The following LINGO2 variants were observed in gnomAD, a reference collection of about 807,000 sequenced individuals.
The protein encoded by LINGO2 is leucine rich repeat and Ig domain containing 2, also known as leucine-rich repeat and immunoglobulin-like domain-containing nogo receptor-interacting protein 2.
LINGO2 carries 14 observed loss-of-function variants against 30.6 expected under a neutral mutation model. That is an observed-to-expected ratio of 0.46 (90% CI 0.30 to 0.72). The LOEUF (loss-of-function observed/expected upper bound fraction) is 0.72. Ranked by LOEUF, LINGO2 falls within the 30% of genes least tolerant of loss-of-function variation. The probability of loss-of-function intolerance (pLI) is 0.07; values close to 1 mark genes in which losing one functional copy is unlikely to be tolerated. For synonymous variants in LINGO2, 317 were observed against 288.5 expected, an observed-to-expected ratio of 1.10 and a Z score of -1.00; for missense variants, 729 against 751.7, an observed-to-expected ratio of 0.97 and a Z score of 0.35.
At chr9:28,396,653 G>A (rs1035425550) in intron 2 of LINGO2, among the ~76,000 whole-genome samples, 4 of 130,222 alleles carry the variant, frequency 3.1e-5, no homozygotes, top group Admixed American at 9.6e-5. Flanking sequence ...GCAGTGAGCC[G>A]AGATCACGCC....
At chr9:28,794,100 T>C in the LINGO2 span, among the ~76,000 whole-genome samples, 1 of 152,214 alleles carries the variant, frequency 6.6e-6, no homozygotes, top group Admixed American at 6.5e-5. Flanking sequence ...GGTCAAGAGA[T>C]AGAGACCATC....
exon 6 of LINGO2, chr9:27,950,244 A>G: frequency 6.2e-7 from 1 of 1,614,076 alleles, no homozygotes; most frequent in Non-Finnish European, 8.5e-7. Flanking sequence ...GTCTAGTAAA[A>G]TGACAATCTT....
chr9:28,489,568 T>C (rs1355056483), intron 1 of LINGO2, among the ~76,000 whole-genome samples: 1 of 152,082 alleles, frequency 6.6e-6, no homozygotes. Flanking sequence ...TGCTGTGACT[T>C]TCTAAGTCCG....
At chr9:28,262,906 T>G (rs1278642963) in intron 4 of LINGO2, among the ~76,000 whole-genome samples, 1 of 152,028 alleles carries the variant, frequency 6.6e-6, no homozygotes, top group African/African-American at 2.4e-5. Context: ...ACTAACTGTA[T>G]TGACTGTGTA....
At chr9:28,317,485 C>G (rs10812778) in intron 3 of LINGO2, among the ~76,000 whole-genome samples, 49,596 of 151,928 alleles carry the variant, frequency 0.33, 9,332 homozygotes, top group Middle Eastern at 0.44. Flanking sequence ...ACTTTCAGAT[C>G]ATTATTGGAA....
chr9:28,957,070 C>T, the LINGO2 span, among the ~76,000 whole-genome samples: 5 of 151,940 alleles, frequency 3.3e-5, no homozygotes, highest in African/African-American at 1.2e-4. Context: ...CTCCATTTGC[C>T]TCTGTAACCC....
chr9:28,032,044 G>T (rs960236412), intron 4 of LINGO2, among the ~76,000 whole-genome samples: 20 of 148,958 alleles, frequency 1.3e-4, no homozygotes, highest in Middle Eastern at 3.6e-3. Context: ...TGAGGGGTGG[G>T]GGGGGAAAGC....
chr9:28,274,180 TA>T (rs1225345570), intron 4 of LINGO2, among the ~76,000 whole-genome samples: 1 of 152,230 alleles, frequency 6.6e-6, no homozygotes, highest in African/African-American at 2.4e-5. Context: ...AAACTAATTC[TA>T]ACCATATCAA....
At chr9:28,465,114 C>T (rs965781326) in intron 2 of LINGO2, among the ~76,000 whole-genome samples, 1 of 152,236 alleles carries the variant, frequency 6.6e-6, no homozygotes, top group Non-Finnish European at 1.5e-5. Context: ...CTTTGTTTTG[C>T]TGTCTGTGGA....
chr9:29,016,596 TA>T, the LINGO2 span, among the ~76,000 whole-genome samples: 1 of 152,120 alleles, frequency 6.6e-6, no homozygotes. Context: ...TACCAACTTA[TA>T]AAAAAGATTC....
intron 1 of LINGO2, among the ~76,000 whole-genome samples, chr9:28,644,116 G>C (rs1827727209): frequency 6.6e-6 from 1 of 152,038 alleles, no homozygotes; most frequent in Middle Eastern, 3.4e-3. Flanking sequence ...ACTATGGATA[G>C]TTTGGACATT....
At chr9:28,420,269 C>T (rs919045452) in intron 2 of LINGO2, among the ~76,000 whole-genome samples, 1 of 152,056 alleles carries the variant, frequency 6.6e-6, no homozygotes, top group African/African-American at 2.4e-5. Flanking sequence ...GGCATAAGCA[C>T]TAAGTCTCTT....
chr9:28,680,219 G>C, the LINGO2 span, among the ~76,000 whole-genome samples: 1 of 151,856 alleles, frequency 6.6e-6, no homozygotes, highest in Non-Finnish European at 1.5e-5. Context: ...TGATATACTG[G>C]TATTTCTGTG....
At chr9:28,848,200 A>ATGC in the LINGO2 span, among the ~76,000 whole-genome samples, 399 of 104,686 alleles carry the variant, frequency 3.8e-3, 14 homozygotes, top group African/African-American at 0.018. Flanking sequence ...ACACATATAT[A>ATGC]GTATATATAT....
At chr9:28,054,251 C>G (rs891244440) in intron 4 of LINGO2, among the ~76,000 whole-genome samples, 1 of 152,106 alleles carries the variant, frequency 6.6e-6, no homozygotes, top group African/African-American at 2.4e-5. Context: ...GAGCCCTTCT[C>G]TCACCTTTTC....
chr9:28,434,135 T>C (rs1209676510), intron 2 of LINGO2, among the ~76,000 whole-genome samples: 1 of 151,260 alleles, frequency 6.6e-6, no homozygotes. Context: ...CACTTACAAG[T>C]GGGAGCTAAG....
At chr9:28,881,280 C>T in the LINGO2 span, among the ~76,000 whole-genome samples, 32 of 152,122 alleles carry the variant, frequency 2.1e-4, no homozygotes, top group East Asian at 4.1e-3. Context: ...TGTCACACCA[C>T]GCCTGGCTAA....
intron 2 of LINGO2, among the ~76,000 whole-genome samples, chr9:28,382,483 A>G (rs1008397182): frequency 6.6e-6 from 1 of 152,146 alleles, no homozygotes; most frequent in Non-Finnish European, 1.5e-5. Context: ...GAAACAATAC[A>G]CACAGGGAGA....
chr9:28,623,664 C>T (rs12004640), intron 1 of LINGO2, among the ~76,000 whole-genome samples: 10,926 of 151,894 alleles, frequency 0.072, 540 homozygotes, highest in Admixed American at 0.18. Flanking sequence ...CTTAGGATAG[C>T]TTTGGCTATT....
Sources: gnomAD v4.1 joint callset for allele counts (sites outside exome capture counted in the v4.1 genomes callset) on GRCh38, gnomAD v4.1.1 for gene constraint, MANE v1.5 for transcripts, NCBI Gene and HGNC (gene_info 2026-07-23, HGNC 2026-07-21) for gene names.